Variants in YTHDF3 observed in about 807,000 individuals in gnomAD.
The protein encoded by YTHDF3 is YTH domain-containing family protein 3.
A neutral mutation model predicts 52.5 loss-of-function variants in YTHDF3; 9 were observed. The observed-to-expected ratio is 0.17, with a 90% CI of 0.10 to 0.30. The LOEUF (loss-of-function observed/expected upper bound fraction) is 0.30, where lower values mean the gene tolerates loss of function less well. Among genes scored for constraint, YTHDF3 ranks in the 10% least tolerant of loss-of-function variants. The pLI, the probability that YTHDF3 is intolerant of heterozygous loss-of-function variation, is 1.00. For missense variants in YTHDF3, 534 were observed against 715.0 expected (o/e 0.75, Z 2.89); for synonymous variants, 274 against 243.3 (o/e 1.13, Z -1.18).
chr8:63,191,934 TG>T (rs11359138), intron 4 of YTHDF3, among the ~76,000 whole-genome samples: 13,206 of 152,244 alleles, frequency 0.087, 794 homozygotes, highest in East Asian at 0.35. Context: ...GTTTTCCTTT[TG>T]GGGGTAATGT....
intron 3 of YTHDF3, among the ~76,000 whole-genome samples, chr8:63,181,041 A>G (rs1585750413): frequency 1.3e-5 from 2 of 152,316 alleles, no homozygotes; most frequent in East Asian, 3.9e-4. Context: ...TTATGACTAA[A>G]TAGATTGGAA....
rs1810383141 is a variant in YTHDF3 at position 63,211,788 on chromosome 8, T to G, written c.*2082T>G. On this transcript the variant is annotated 3_prime_UTR_variant, in exon 5 of 5. Transcript: ENST00000539294. The stretch of plus-strand genomic sequence containing the variant: ...AATGTAATTGAGAGTCTATTCATGG[T>G]GAGGAGTACATCCCAGTGCCTTTAA... 1 of 152,596 alleles carries G rather than the reference T, an allele frequency of 6.6e-6. No individual in the cohort carries two copies. Among genetic ancestry groups the G allele is most frequent in the Non-Finnish European group, 1.5e-5 (1 of 68,016 alleles). 9.5% of individuals were successfully genotyped at this position (152,596 alleles called of 1,614,324 possible). A position where few individuals can be genotyped will look rare whatever the true frequency, so the allele number is the denominator to read the frequency against.
intron 4 of YTHDF3, among the ~76,000 whole-genome samples, chr8:63,202,459 ACT>A (rs1001685718): frequency 9.4e-6 from 1 of 106,108 alleles, no homozygotes; most frequent in Non-Finnish European, 1.7e-5. Context: ...CCCTTGTTCT[ACT>A]CTTTTTTTTT....
intron 4 of YTHDF3, among the ~76,000 whole-genome samples, chr8:63,205,507 C>T (rs1204278805): frequency 6.7e-6 from 1 of 149,950 alleles, no homozygotes; most frequent in Admixed American, 6.7e-5. Flanking sequence ...AATCTTGGCT[C>T]ACTGCAACCT....
intron 2 of YTHDF3, among the ~76,000 whole-genome samples, chr8:63,170,218 T>G (rs1392728288): frequency 6.6e-6 from 1 of 152,188 alleles, no homozygotes; most frequent in East Asian, 1.9e-4. Flanking sequence ...TATATAACAT[T>G]TTGTAGTGCT....
chr8:63,202,883 T>G (rs2150396956), intron 4 of YTHDF3, among the ~76,000 whole-genome samples: 1 of 152,330 alleles, frequency 6.6e-6, no homozygotes, highest in South Asian at 2.1e-4. Context: ...AATTTCATTC[T>G]TCGTTTATGA....
In YTHDF3 at chr8:63,209,824, C is replaced by CT; in HGVS notation, c.*121dup. The CT allele has an allele frequency of 2.0e-6, 2 of 1,015,092 alleles. No homozygotes were observed. Among genetic ancestry groups the CT allele is most frequent in the South Asian group, 1.7e-5 (1 of 59,974 alleles). 62.9% of individuals were successfully genotyped at this position (1,015,092 alleles called of 1,614,324 possible). On this transcript the variant is annotated 3_prime_UTR_variant, in exon 5 of 5. Transcript: ENST00000539294. ...CTGCTTAAGGTGACATCTTTGAACA[C>CT]TTTAACACAAAGTTGACTCTTCTCG...
intron 4 of YTHDF3, among the ~76,000 whole-genome samples, chr8:63,192,399 T>C (rs1278887767): frequency 6.6e-6 from 1 of 152,220 alleles, no homozygotes; most frequent in Non-Finnish European, 1.5e-5. Context: ...GGGAGAGTCA[T>C]GCTGTAAATT....
chr8:63,169,957 ATCTG>A (rs1330364780), intron 2 of YTHDF3, among the ~76,000 whole-genome samples: 2 of 152,206 alleles, frequency 1.3e-5, no homozygotes, highest in Non-Finnish European at 2.9e-5. Flanking sequence ...GTGTGACTCT[ATCTG>A]GTATTTTATA....
At chr8:63,204,884 G>A (rs189663319) in intron 4 of YTHDF3, among the ~76,000 whole-genome samples, 2 of 152,214 alleles carry the variant, frequency 1.3e-5, no homozygotes, top group South Asian at 2.1e-4. Context: ...TAAATCTACC[G>A]AAGATTACAA....
Position 63,210,020 on chromosome 8 carries a change from A to G in YTHDF3, c.*314A>G, listed in dbSNP as rs1810288014. The G allele has an allele frequency of 3.9e-6, 1 of 255,464 alleles. No homozygotes were observed. Among genetic ancestry groups the G allele is most frequent in the Admixed American group, 5.2e-5 (1 of 19,360 alleles). The allele number at this position is 255,464 out of a possible 1,614,324, so 15.8% of individuals were successfully genotyped here. ...ACTGAATGAATGCAAGGATTCATTA[A>G]CTCTTTGAATTTGTTAAATACTAAC... On this transcript the variant is annotated 3_prime_UTR_variant, in exon 5 of 5. Coordinates refer to ENST00000539294, the MANE Select transcript of YTHDF3 (RefSeq NM_152758.6).
intron 1 of YTHDF3, 48 bp downstream of exon 1, chr8:63,168,949 C>T (rs1425497672): frequency 2.6e-6 from 4 of 1,544,930 alleles, no homozygotes; most frequent in Admixed American, 2.0e-5. Flanking sequence ...AGCCCCGGAG[C>T]TCCACCCTCG....
chr8:63,196,559 C>CT (rs1809252459), intron 4 of YTHDF3, among the ~76,000 whole-genome samples: 1 of 142,292 alleles, frequency 7.0e-6, no homozygotes, highest in Non-Finnish European at 1.5e-5. Flanking sequence ...AAGACTCCGT[C>CT]TTAAAAAAAA....
At chr8:63,180,177 A>G (rs1808012928) in intron 3 of YTHDF3, among the ~76,000 whole-genome samples, 1 of 148,974 alleles carries the variant, frequency 6.7e-6, no homozygotes, top group African/African-American at 2.5e-5. Context: ...CACTTCTCAG[A>G]CGGGGCGGCT....
At chr8:63,188,585 A>G (rs1441991486) in intron 4 of YTHDF3, 1 of 148,174 alleles carries the variant, frequency 6.7e-6, no homozygotes, top group East Asian at 2.0e-4. Context: ...TCTGCCTCCC[A>G]AAATGTTGGG....
intron 4 of YTHDF3, among the ~76,000 whole-genome samples, chr8:63,204,655 C>A (rs1027824551): frequency 1.3e-4 from 20 of 152,206 alleles, no homozygotes; most frequent in Admixed American, 1.2e-3. Context: ...AGCCACCGCG[C>A]ACCTGGCTTG....
chr8:63,199,606 T>G (rs1809468534), intron 4 of YTHDF3, among the ~76,000 whole-genome samples: 1 of 152,222 alleles, frequency 6.6e-6, no homozygotes, highest in Non-Finnish European at 1.5e-5. Context: ...GTTTAATAGT[T>G]TATTTTAAAT....
intron 2 of YTHDF3, among the ~76,000 whole-genome samples, chr8:63,171,912 C>T (rs1434609257): frequency 6.6e-6 from 1 of 152,170 alleles, no homozygotes; most frequent in East Asian, 1.9e-4. Flanking sequence ...TTTAGCCTAA[C>T]ACCTAGTTTT....
chr8:63,209,708 C>T lies in YTHDF3; in HGVS notation c.*2C>T, dbSNP rs750253215. On this transcript the variant is annotated 3_prime_UTR_variant, in exon 5 of 5. Transcript: ENST00000539294. Reference sequence around the variant, plus strand: ...GAGAGAAATAGAAACAAACAATAACCGTATGAAGATGTCCTGTTAAATTTA... The same window carrying T: ...GAGAGAAATAGAAACAAACAATAACTGTATGAAGATGTCCTGTTAAATTTA... The T allele has an allele frequency of 2.4e-5, 37 of 1,572,290 alleles. No individual in the cohort carries two copies. The highest frequency in any genetic ancestry group is 3.6e-5 in the South Asian group (3 of 84,280).
Sources: gnomAD v4.1 joint callset for allele counts (sites outside exome capture counted in the v4.1 genomes callset) on GRCh38, gnomAD v4.1.1 for gene constraint, MANE v1.5 for transcripts, NCBI Gene and HGNC (gene_info 2026-07-23, HGNC 2026-07-21) for gene names.